STXBP5L: variants seen among roughly 807,000 people sequenced by gnomAD.
STXBP5L encodes the protein syntaxin binding protein 5L, also known as syntaxin-binding protein 5-like.
A neutral mutation model predicts 144.5 loss-of-function variants in STXBP5L; 65 were observed. The observed-to-expected ratio is 0.45, with a 90% confidence interval of 0.37 to 0.55. The LOEUF is 0.55. STXBP5L is among the 20% of genes least tolerant of loss of function. The probability of loss-of-function intolerance (pLI) is 0.00; values close to 1 mark genes in which losing one functional copy is unlikely to be tolerated. For missense variants in STXBP5L, 1,298 were observed against 1,405.5 expected (o/e 0.92, Z 1.22); for synonymous variants, 505 against 469.6 (o/e 1.08, Z -0.97).
At chr3:121,385,481 C>G (rs1418340073) in intron 22 of STXBP5L, among the ~76,000 whole-genome samples, 1 of 152,140 alleles carries the variant, frequency 6.6e-6, no homozygotes, top group Non-Finnish European at 1.5e-5. Flanking sequence ...TCCCATTAGG[C>G]CCTACCTCCA....
chr3:121,257,933 A>G (rs929804345), intron 17 of STXBP5L, among the ~76,000 whole-genome samples: 3 of 152,190 alleles, frequency 2.0e-5, no homozygotes, highest in African/African-American at 7.2e-5. Flanking sequence ...CAAAAAAATA[A>G]TAATGATAAT....
At chr3:121,200,577 T>C (rs1431774320) in intron 9 of STXBP5L, among the ~76,000 whole-genome samples, 2 of 152,330 alleles carry the variant, frequency 1.3e-5, no homozygotes, top group East Asian at 3.9e-4. Flanking sequence ...TGTTAGTGTG[T>C]TGATTTTTTA....
chr3:121,139,606 C>A (rs751002351), intron 7 of STXBP5L, among the ~76,000 whole-genome samples: 5 of 152,006 alleles, frequency 3.3e-5, no homozygotes, highest in Admixed American at 6.6e-5. Flanking sequence ...GATATAAATT[C>A]TATTTTTATT....
intron 3 of STXBP5L, among the ~76,000 whole-genome samples, chr3:120,963,484 G>T (rs10278182): frequency 3.9e-5 from 6 of 152,074 alleles, no homozygotes; most frequent in African/African-American, 1.2e-4. Flanking sequence ...AGCATGAAAG[G>T]GTGTTGAGTT....
At chr3:121,110,083 T>C (rs904574671) in intron 5 of STXBP5L, among the ~76,000 whole-genome samples, 1 of 152,230 alleles carries the variant, frequency 6.6e-6, no homozygotes, top group Admixed American at 6.5e-5. Flanking sequence ...CATCCTTTTA[T>C]TTTGAGCCTA....
At chr3:121,190,899 A>T (rs978998378) in intron 9 of STXBP5L, among the ~76,000 whole-genome samples, 1 of 150,692 alleles carries the variant, frequency 6.6e-6, no homozygotes, top group Admixed American at 6.6e-5. Flanking sequence ...CAGTTCCCAG[A>T]CGGGGTCACG....
intron 19 of STXBP5L, among the ~76,000 whole-genome samples, chr3:121,310,496 G>A (rs180730477): frequency 1.2e-4 from 18 of 152,290 alleles, no homozygotes; most frequent in African/African-American, 4.3e-4. Flanking sequence ...TGTAGTCCCA[G>A]CTACTCTATT....
chr3:120,976,417 T>C (rs1031105592), intron 3 of STXBP5L, among the ~76,000 whole-genome samples: 2 of 152,212 alleles, frequency 1.3e-5, no homozygotes, highest in Non-Finnish European at 2.9e-5. Context: ...TCATTGTGTC[T>C]ATTTGATTCT....
intron 3 of STXBP5L, among the ~76,000 whole-genome samples, chr3:121,012,185 AC>A (rs1480011831): frequency 1.3e-5 from 2 of 151,876 alleles, no homozygotes; most frequent in Non-Finnish European, 2.9e-5. Flanking sequence ...TGGATATACC[AC>A]ATTTTATTAT....
At chr3:121,377,244 G>A (rs752011072) in intron 20 of STXBP5L, among the ~76,000 whole-genome samples, 1 of 151,808 alleles carries the variant, frequency 6.6e-6, no homozygotes, top group African/African-American at 2.4e-5. Context: ...TGATTGCCCT[G>A]GCCAGAACTT....
chr3:121,271,987 A>G (rs2050748014), intron 18 of STXBP5L, among the ~76,000 whole-genome samples: 1 of 152,208 alleles, frequency 6.6e-6, no homozygotes, highest in Non-Finnish European at 1.5e-5. Flanking sequence ...GTTTTATACT[A>G]TTGTGATCAG....
At chr3:121,084,867 C>T (rs978533417) in intron 5 of STXBP5L, among the ~76,000 whole-genome samples, 3 of 152,164 alleles carry the variant, frequency 2.0e-5, no homozygotes, top group Admixed American at 6.5e-5. Flanking sequence ...CACAGTCTCG[C>T]CAGCATCTGT....
Position 121,255,045 on chromosome 3 carries a change from T to C in STXBP5L, c.1592T>C (p.Val531Ala). ...TGTCCAGAGAGCAGAATATTCTGTG[T>C]ATCAGGAGTCTCTGCATATGTCATA... ...YWCPESRIFC[V>A]SGVSAYVIIY... The change falls in exon 16 of 27, where the codon GTA becomes GCA. Residue 531 changes from valine (V) to alanine (A), a missense_variant. Val to Ala is a moderately conservative substitution (Grantham distance 64). Coordinates refer to ENST00000471454, the MANE Select transcript of STXBP5L (RefSeq NM_001308330.2). 1 of 1,613,354 alleles carries C rather than the reference T, an allele frequency of 6.2e-7. No individual in the cohort carries two copies. The highest frequency in any genetic ancestry group is 8.5e-7 in the Non-Finnish European group (1 of 1,179,610).
chr3:121,094,177 G>C (rs1297934004), intron 5 of STXBP5L, among the ~76,000 whole-genome samples: 1 of 152,072 alleles, frequency 6.6e-6, no homozygotes, highest in Admixed American at 6.5e-5. Flanking sequence ...TTGCTGAGGA[G>C]AGCTTTACTT....
chr3:121,293,331 G>T (rs1231147462), intron 19 of STXBP5L, among the ~76,000 whole-genome samples: 2 of 152,186 alleles, frequency 1.3e-5, no homozygotes, highest in Non-Finnish European at 2.9e-5. Context: ...GACACATATG[G>T]TGAGGGCTGG....
chr3:120,911,251 A>G (rs1212050481), intron 2 of STXBP5L, among the ~76,000 whole-genome samples: 1 of 152,118 alleles, frequency 6.6e-6, no homozygotes, highest in Non-Finnish European at 1.5e-5. Flanking sequence ...ACTTCAGGGA[A>G]ATGGGTGAAT....
intron 2 of STXBP5L, among the ~76,000 whole-genome samples, chr3:120,945,745 A>G (rs924139018): frequency 5.3e-5 from 8 of 151,856 alleles, no homozygotes; most frequent in African/African-American, 1.9e-4. Context: ...ACTCAAAGCC[A>G]GAGTTGGCAT....
rs527640855 is a variant in STXBP5L at position 121,038,167 on chromosome 3, TCTC to T, written c.288-3530_288-3528del. On this transcript the variant is annotated intron_variant, in intron 3 of 26. Transcript: ENST00000471454. The stretch of plus-strand genomic sequence containing the variant: ...TTTATCTGATCATCTTTATTATTGT[TCTC>T]CTTTTTTCTGGTTTTGAAATTAATT... Among the ~76,000 whole-genome samples the T allele has an allele frequency of 1.7e-3, 252 of 152,010 alleles. 3 individuals are homozygous for T. Among genetic ancestry groups the T allele is most frequent in the African/African-American group, 5.8e-3 (241 of 41,560 alleles).
intron 15 of STXBP5L, among the ~76,000 whole-genome samples, chr3:121,253,675 C>G (rs1430327372): frequency 6.7e-6 from 1 of 148,290 alleles, no homozygotes; most frequent in Non-Finnish European, 1.5e-5. Context: ...TCTGCCCAAG[C>G]TGGAGTGCAG....
Sources: allele counts gnomAD v4.1 joint callset (sites outside exome capture counted in the v4.1 genomes callset), GRCh38; gene constraint gnomAD v4.1.1; transcripts MANE v1.5; gene names NCBI Gene and HGNC (gene_info 2026-07-23, HGNC 2026-07-21).